The following RPL18 variants were observed in gnomAD, a reference collection of about 807,000 sequenced individuals.
The protein encoded by RPL18 is ribosomal protein L18.
In RPL18, 4 loss-of-function variants were observed where a neutral mutation model predicts 25.0. That is an observed-to-expected ratio of 0.16 (90% confidence interval 0.08 to 0.37). The LOEUF (loss-of-function observed/expected upper bound fraction) is 0.37. RPL18 is among the 10% of genes least tolerant of loss of function. RPL18 has a pLI of 1.00. For synonymous variants in RPL18, 129 were observed against 101.6 expected (o/e 1.27, Z -1.62); for missense variants, 179 against 267.9 (o/e 0.67, Z 2.32).
At chr19:48,615,480 C>T (rs1160585010) in intron 6 of RPL18, 33 bp from the exon 7 acceptor site, 5 of 1,546,230 alleles carry the variant, frequency 3.2e-6, no homozygotes, top group Non-Finnish European at 4.4e-6. Flanking sequence ...GAGGGGGGCC[C>T]TCTTAAAGGA....
At chr19:48,617,549 C>A (rs1974214090) in intron 2 of RPL18, 126 bp from the exon 3 acceptor site, 3 of 796,238 alleles carry the variant, frequency 3.8e-6, no homozygotes, top group Admixed American at 5.1e-5. Context: ...ACCCACCGAC[C>A]TAGAGGGAGA....
rs756946560 is a variant in RPL18 at position 48,617,844 on chromosome 19, C to A, written c.37G>T (p.Val13Phe). The change falls in exon 2 of 7, where the codon GTT (valine) becomes TTT (phenylalanine). Residue 13 changes from valine (V) to phenylalanine (F), a missense_variant. Physicochemically the swap from Val to Phe is conservative, Grantham distance 50 (BLOSUM62 -1). Transcript: ENST00000549920. ...VDIRHNKDRK[V>F]RRKEPKSQDI... ...TGGCTCTTGGGCTCCTTGCGCCGAA[C>A]CTTTCGGTCCTTGTTATGGCGGATG... is the stretch of plus-strand genomic sequence containing the variant. 4 of 1,614,180 alleles carry A rather than the reference C, an allele frequency of 2.5e-6. No homozygotes were observed. The Admixed American group carries it at 5.0e-5, about 20-fold the overall frequency.
intron 5 of RPL18, 35 bp downstream of exon 5, chr19:48,616,044 G>A: frequency 1.9e-6 from 3 of 1,613,994 alleles, no homozygotes; most frequent in Non-Finnish European, 2.5e-6. Context: ...TAGCCACACA[G>A]CTCAGTCCAA....
intron 1 of RPL18, chr19:48,618,680 A>C: frequency 4.9e-6 from 1 of 205,988 alleles, no homozygotes; most frequent in African/African-American, 2.3e-5. Context: ...AAGGCTCAAA[A>C]ACCATCACAA....
At chr19:48,617,283 A>G in intron 3 of RPL18, 33 bp downstream of exon 3, 1 of 1,529,558 alleles carries the variant, frequency 6.5e-7, no homozygotes, top group Non-Finnish European at 9.1e-7. Flanking sequence ...AGCGGCTCCC[A>G]GGTCTACCGT....
chr19:48,617,171 A>G, intron 3 of RPL18, 145 bp downstream of exon 3: 1 of 782,136 alleles, frequency 1.3e-6, no homozygotes, highest in Non-Finnish European at 2.3e-6. Context: ...GTTCCAACCA[A>G]CAGTCCAAGC....
Position 48,617,786 on chromosome 19 carries a change from C to T in RPL18, c.90+5G>A, listed in dbSNP as rs904241471. ...CTTCCCAAAGACCTCAGGGCCCAGCCTCACCTTGACCAACAGCCTCAGGTA... is the reference window on the plus strand; with the variant it reads ...CTTCCCAAAGACCTCAGGGCCCAGCTTCACCTTGACCAACAGCCTCAGGTA... On this transcript the variant is annotated splice_donor_5th_base_variant and intron_variant, in intron 2 of 6. Coordinates refer to ENST00000549920, the MANE Select transcript of RPL18 (RefSeq NM_000979.4). The T allele has an allele frequency of 1.9e-6, 3 of 1,612,868 alleles. No homozygotes were observed. Among genetic ancestry groups the T allele is most frequent in the East Asian group, 2.2e-5 (1 of 44,876 alleles).
chr19:48,616,114 T>C lies in RPL18; in HGVS notation c.386A>G (p.Asp129Gly), dbSNP rs754935395. ...GACAGTGCCACAGCCCTTAGGGGAG[T>C]CCAGGGCCAGCTGGTCGAAAGTGAG... Reference protein sequence around the residue: ...KILTFDQLALDSPKGCGTVLL... With the variant: ...KILTFDQLALGSPKGCGTVLL... The change falls in exon 5 of 7, where the codon GAC becomes GGC. Residue 129 changes from aspartate (D) to glycine (G), a missense_variant. Coordinates refer to ENST00000549920, the MANE Select transcript of RPL18 (RefSeq NM_000979.4). 1 of 1,613,534 alleles carries C rather than the reference T, an allele frequency of 6.2e-7. No homozygotes were observed. The highest frequency in any genetic ancestry group is 8.5e-7 in the Non-Finnish European group (1 of 1,179,918).
At chr19:48,616,913 C>T in intron 3 of RPL18, 89 bp from the exon 4 acceptor site, 1 of 956,866 alleles carries the variant, frequency 1.0e-6, no homozygotes, top group East Asian at 2.4e-5. Flanking sequence ...GCAGCTGTGC[C>T]CTCTAACGGG....
intron 3 of RPL18, 48 bp downstream of exon 3, chr19:48,617,268 G>A (rs778112082): frequency 7.7e-6 from 11 of 1,434,398 alleles, no homozygotes; most frequent in Non-Finnish European, 1.1e-5. Flanking sequence ...AGACAGACAA[G>A]ACCCAGCGGC....
At position 48,615,375 on chromosome 19, in the gene RPL18, G is replaced by A. The variant is rs770923036; in HGVS notation, c.564C>T (p.Asn188=). 12 of 1,611,426 alleles carry A rather than the reference G, an allele frequency of 7.4e-6. No individual in the cohort carries two copies. The Admixed American group carries it at 1.8e-4, about 25-fold the overall frequency. ...AATAAGAGAGTAGGATCCAGGGTTA[G>A]TTTTTGTAGCCTCGGCTGGCCCGTC... ...RGRRASRGYK[N] Residue 188 remains asparagine (N), a synonymous_variant, in exon 7 of 7, where the codon AAC becomes AAT. Transcript: ENST00000549920.
chr19:48,617,193 G>C (rs771216664), intron 3 of RPL18, 123 bp downstream of exon 3: 1 of 832,336 alleles, frequency 1.2e-6, no homozygotes, highest in Non-Finnish European at 2.1e-6. Context: ...CTACGCTCGC[G>C]ACTGGCTGAG....
rs1179849076 is a variant in RPL18, at chr19:48,615,462, G to A, written c.492-15C>T. 4 of 1,601,560 alleles carry A rather than the reference G, an allele frequency of 2.5e-6. No individual in the cohort carries two copies. The highest frequency in any genetic ancestry group is 2.2e-5 in the South Asian group (2 of 90,086). ...GGACGTAGGGTCTGTGGGGAGAGGAGGGAGTGAGAGGGGGGCCCTCTTAAA... is the reference window on the plus strand; with the variant it reads ...GGACGTAGGGTCTGTGGGGAGAGGAAGGAGTGAGAGGGGGGCCCTCTTAAA... On this transcript the variant is annotated splice_polypyrimidine_tract_variant and intron_variant, in intron 6 of 6. Coordinates refer to ENST00000549920, the MANE Select transcript of RPL18 (RefSeq NM_000979.4).
chr19:48,615,848 G>A lies in RPL18; in HGVS notation c.491+29C>T, dbSNP rs778775546. ...TGGCCCTGCAGGCTGAGTCTGGGGA[G>A]AGGGCAGGGCTGGGGGCCTGATACT... On this transcript the variant is annotated intron_variant, in intron 6 of 6. Transcript: ENST00000549920. 14 of 1,582,906 alleles carry A rather than the reference G, an allele frequency of 8.8e-6. No individual in the cohort carries two copies. The African/African-American group carries it at 1.6e-4, about 18-fold the overall frequency.
rs430989 is a variant in RPL18, at chr19:48,617,517, T to C, written c.91-94A>G. 7.7e-4 allele frequency: 749 copies of C among 970,996 alleles called. 5 individuals are homozygous for C. The East Asian group carries it at 0.016, about 21-fold the overall frequency. 60.1% of individuals were successfully genotyped at this position (970,996 alleles called of 1,614,324 possible). A position where few individuals can be genotyped will look rare whatever the true frequency, so the allele number is the denominator to read the frequency against. On this transcript the variant is annotated intron_variant, in intron 2 of 6. Transcript: ENST00000549920. ...AAACACATGATGATCTGGACTAAAA[T>C]AATCTTTATCCCTTTCCCCCAACCC...
intron 4 of RPL18, 36 bp from the exon 5 acceptor site, chr19:48,616,238 T>TG (rs1974167920): frequency 6.2e-7 from 1 of 1,609,342 alleles, no homozygotes; most frequent in African/African-American, 1.3e-5. Context: ...GTCAGACCCC[T>TG]GCGTGGTCAC....
At chr19:48,619,073 C>T in intron 1 of RPL18, 68 bp downstream of exon 1, 2 of 1,556,030 alleles carry the variant, frequency 1.3e-6, no homozygotes, top group Admixed American at 1.9e-5. Flanking sequence ...CTCCAGCGTG[C>T]CCCTAGCCCA....
chr19:48,617,235 G>T, intron 3 of RPL18, 81 bp downstream of exon 3: 1 of 1,087,330 alleles, frequency 9.2e-7, no homozygotes, highest in Non-Finnish European at 1.4e-6. Flanking sequence ...TGCTCCCAGA[G>T]CTCCAAGTCC....
Position 48,617,048 on chromosome 19 carries a change from C to G in RPL18, c.199-224G>C, listed in dbSNP as rs753528040. The G allele has an allele frequency of 1.0e-5, 7 of 702,548 alleles. No individual in the cohort carries two copies. The South Asian group carries it at 1.0e-4, about 10-fold the overall frequency. 43.5% of individuals were successfully genotyped at this position (702,548 alleles called of 1,614,324 possible). Reference sequence around the variant, plus strand: ...GGGCCTCCCTCAGCAGAGCCTTTGACATAAAACTCAGTTATGACTTGGGGC... The same window carrying G: ...GGGCCTCCCTCAGCAGAGCCTTTGAGATAAAACTCAGTTATGACTTGGGGC... On this transcript the variant is annotated intron_variant, in intron 3 of 6. Transcript: ENST00000549920.
Sources: gnomAD v4.1 joint callset for allele counts on GRCh38, gnomAD v4.1.1 for gene constraint, MANE v1.5 for transcripts, NCBI Gene and HGNC (gene_info 2026-07-23, HGNC 2026-07-21) for gene names.